Variants in ARID2 observed in about 807,000 individuals in gnomAD.
The protein encoded by ARID2 is AT-rich interactive domain-containing protein 2.
Under a neutral mutation model 184.6 loss-of-function variants are expected in ARID2, and 32 were observed. The observed-to-expected ratio is 0.17, with a 90% CI of 0.13 to 0.23. The LOEUF is 0.23. Ranked by LOEUF, ARID2 falls within the 10% of genes least tolerant of loss-of-function variation. ARID2 has a pLI of 1.00. For missense variants in ARID2, 1,696 were observed against 2,197.6 expected (o/e 0.77, Z 4.56); for synonymous variants, 836 against 772.6 (o/e 1.08, Z -1.36).
chr12:45,861,720 G>A (rs1365665274), intron 16 of ARID2, among the ~76,000 whole-genome samples: 1 of 151,540 alleles, frequency 6.6e-6, no homozygotes, highest in Admixed American at 6.6e-5. Flanking sequence ...GAGTAGCTGG[G>A]ATTACAGGCA....
chr12:45,902,197 G>C (rs1045090659), intron 20 of ARID2, among the ~76,000 whole-genome samples: 1 of 151,984 alleles, frequency 6.6e-6, no homozygotes, highest in Admixed American at 6.5e-5. Context: ...GAAGTTGAAA[G>C]AATATCATTT....
intron 3 of ARID2, among the ~76,000 whole-genome samples, chr12:45,736,467 A>C (rs1282214375): frequency 6.6e-6 from 1 of 152,216 alleles, no homozygotes; most frequent in Non-Finnish European, 1.5e-5. Context: ...TTCATTAGTC[A>C]GTGAGCAGGT....
intron 16 of ARID2, among the ~76,000 whole-genome samples, chr12:45,874,730 A>G (rs1943983318): frequency 6.6e-6 from 1 of 152,240 alleles, no homozygotes; most frequent in Non-Finnish European, 1.5e-5. Flanking sequence ...CTTAGTGGCA[A>G]CTAGCATTAG....
At chr12:45,815,494 ATC>A (rs1942788771) in intron 4 of ARID2, among the ~76,000 whole-genome samples, 1 of 152,128 alleles carries the variant, frequency 6.6e-6, no homozygotes, top group Non-Finnish European at 1.5e-5. Flanking sequence ...GAAGAGGTGT[ATC>A]TCTTCAACTG....
chr12:45,823,477 C>T (rs955714359), intron 6 of ARID2, among the ~76,000 whole-genome samples: 2 of 151,240 alleles, frequency 1.3e-5, no homozygotes, highest in East Asian at 1.9e-4. Flanking sequence ...GAAATGGAGA[C>T]GAAAAAGACA....
chr12:45,755,262 C>G (rs1941545133), intron 3 of ARID2, among the ~76,000 whole-genome samples: 1 of 152,246 alleles, frequency 6.6e-6, no homozygotes, highest in Non-Finnish European at 1.5e-5. Flanking sequence ...TAGCAGAACA[C>G]TGTTTTGATG....
chr12:45,738,779 CTTTTTTTTTTTTTTTTTTTT>C lies in ARID2; in HGVS notation c.284+7480_284+7499del, dbSNP rs11333868. 5.0e-4 allele frequency among the ~76,000 whole-genome samples: 31 copies of C among 62,304 alleles called. 1 individual carries two copies. The highest frequency in any genetic ancestry group is 2.3e-3 in the African/African-American group (27 of 11,714). 40.9% of individuals were successfully genotyped at this position (62,304 alleles called of 152,430 possible). A position where few individuals can be genotyped will look rare whatever the true frequency, so the allele number is the denominator to read the frequency against. On this transcript the variant is annotated intron_variant, in intron 3 of 20. Coordinates refer to ENST00000334344, the MANE Select transcript of ARID2 (RefSeq NM_152641.4). ...TTTTCTTCCTGGGGCATATGGGCTA[CTTTTTTTTTTTTTTTTTTTT>C]TTTTTTTTTTTTTTAAGGCTTTAGG...
intron 15 of ARID2, among the ~76,000 whole-genome samples, chr12:45,856,482 A>AT (rs948061809): frequency 3.8e-4 from 57 of 151,978 alleles, no homozygotes; most frequent in African/African-American, 1.2e-3. Flanking sequence ...TTTAATTGTG[A>AT]TTTTTTTTGG....
intron 5 of ARID2, among the ~76,000 whole-genome samples, chr12:45,820,178 G>T (rs1220465094): frequency 6.6e-6 from 1 of 152,028 alleles, no homozygotes; most frequent in Non-Finnish European, 1.5e-5. Context: ...GCTTTTTGAG[G>T]TCACTGTAGT....
At chr12:45,899,371 A>G (rs1565644509) in intron 20 of ARID2, among the ~76,000 whole-genome samples, 1 of 149,456 alleles carries the variant, frequency 6.7e-6, no homozygotes, top group Non-Finnish European at 1.5e-5. Context: ...TTGGGAGGCC[A>G]AGGCGGGCAG....
chr12:45,849,100 T>C (rs1285866764), intron 13 of ARID2, 130 bp downstream of exon 13: 1 of 1,027,360 alleles, frequency 9.7e-7, no homozygotes, highest in African/African-American at 1.6e-5. Flanking sequence ...TATGGATAGG[T>C]TATAGTGTGG....
Position 45,836,757 on chromosome 12 carries a change from A to G in ARID2, c.789A>G (p.Glu263=). ...CTATTGTAGAAGGTACATCAGGAGA[A>G]TGGATTTGGGAGTCTTTATTTCATC... ...RNKSHEGTSG[E]WIWESLFHPP... is the part of the protein sequence containing the mutation. The change falls in exon 8 of 21, where the codon GAA becomes GAG. Residue 263 remains glutamate, a synonymous_variant. Transcript: ENST00000334344. 1 of 1,613,050 alleles carries G rather than the reference A, an allele frequency of 6.2e-7. No individual in the cohort carries two copies. The highest frequency in any genetic ancestry group is 8.5e-7 in the Non-Finnish European group (1 of 1,179,318).
At chr12:45,899,016 G>C (rs977153623) in intron 20 of ARID2, among the ~76,000 whole-genome samples, 3 of 151,320 alleles carry the variant, frequency 2.0e-5, no homozygotes, top group Non-Finnish European at 3.0e-5. Context: ...GCTCATGCCT[G>C]TAATCCCAGT....
At chr12:45,738,605 C>T (rs1051334641) in intron 3 of ARID2, among the ~76,000 whole-genome samples, 8 of 152,124 alleles carry the variant, frequency 5.3e-5, no homozygotes, top group Admixed American at 3.9e-4. Context: ...GCCACTGCAC[C>T]CGGCTGGCCG....
At chr12:45,861,055 C>G (rs1943737575) in intron 16 of ARID2, 106 bp downstream of exon 16, 1 of 1,094,744 alleles carries the variant, frequency 9.1e-7, no homozygotes, top group South Asian at 2.6e-5. Flanking sequence ...CCTTTAGAAC[C>G]ACTAACTTTA....
chr12:45,796,347 A>G (rs1370730391), intron 3 of ARID2, among the ~76,000 whole-genome samples: 2 of 152,104 alleles, frequency 1.3e-5, no homozygotes. Flanking sequence ...TTTCTTGCAT[A>G]AAAACTTAGT....
rs1403303588 is a variant in ARID2, at chr12:45,906,330, T to C, written c.*1252T>C. The C allele has an allele frequency of 8.6e-6, 2 of 233,180 alleles. No homozygotes were observed. Among genetic ancestry groups the C allele is most frequent in the African/African-American group, 4.4e-5 (2 of 45,330 alleles). 14.4% of individuals were successfully genotyped at this position (233,180 alleles called of 1,614,324 possible). A position where few individuals can be genotyped will look rare whatever the true frequency, so the allele number is the denominator to read the frequency against. ...AGAAACTGCTCACTTCCTTAAATTG[T>C]CTTTTTTCCCCCAGCGTGAAATGTA... On this transcript the variant is annotated 3_prime_UTR_variant, in exon 21 of 21. Coordinates refer to ENST00000334344, the MANE Select transcript of ARID2 (RefSeq NM_152641.4).
At chr12:45,892,422 C>A (rs1944312384) in intron 18 of ARID2, among the ~76,000 whole-genome samples, 1 of 151,866 alleles carries the variant, frequency 6.6e-6, no homozygotes, top group Admixed American at 6.6e-5. Flanking sequence ...GTTCTTTTTT[C>A]TGTAAAAGTA....
intron 3 of ARID2, among the ~76,000 whole-genome samples, chr12:45,805,890 A>G (rs1565603095): frequency 6.6e-6 from 1 of 152,112 alleles, no homozygotes; most frequent in Non-Finnish European, 1.5e-5. Context: ...GTTTGTACCC[A>G]TTGACCAGCA....
Sources: allele counts gnomAD v4.1 joint callset (sites outside exome capture counted in the v4.1 genomes callset), GRCh38; gene constraint gnomAD v4.1.1; transcripts MANE v1.5; gene names NCBI Gene and HGNC (gene_info 2026-07-23, HGNC 2026-07-21).